CPZ: variants seen among roughly 807,000 people sequenced by gnomAD.
CPZ encodes VEZT/CPZ fusion.
A neutral mutation model predicts 61.8 loss-of-function variants in CPZ; 103 were observed. The observed-to-expected ratio is 1.67, with a 90% CI of 1.42 to 1.96. The LOEUF (loss-of-function observed/expected upper bound fraction) is 1.96, where lower values mean the gene tolerates loss of function less well. Ranked by LOEUF, CPZ falls within the 30% of genes most tolerant of loss-of-function variation. CPZ has a pLI of 0.00. For missense variants in CPZ, 1,461 were observed against 914.9 expected (o/e 1.60, Z -7.70); for synonymous variants, 551 against 373.7 (o/e 1.47, Z -5.47).
chr4:8,615,597 G>A (rs767924728), intron 9 of CPZ, among the ~76,000 whole-genome samples: 17 of 152,314 alleles, frequency 1.1e-4, no homozygotes, highest in Admixed American at 7.8e-4. Flanking sequence ...GGCGGCAGAC[G>A]GGGCCGTCCC....
chr4:8,611,944 G>A (rs931711610), intron 7 of CPZ, 83 bp from the exon 8 acceptor site: 50 of 1,595,746 alleles, frequency 3.1e-5, no homozygotes, highest in Admixed American at 1.0e-4. Flanking sequence ...GTTTGCACGC[G>A]CAGCTCCTCC....
At chr4:8,593,648 C>T (rs991873765) in intron 1 of CPZ, among the ~76,000 whole-genome samples, 3 of 152,196 alleles carry the variant, frequency 2.0e-5, no homozygotes, top group Admixed American at 2.0e-4. Context: ...TGGGCTCCTG[C>T]GGGAGTGGGG....
rs775911030 is a variant in CPZ at position 8,606,123 on chromosome 4, ACCACCCGCAT to A, written c.850_859del (p.Arg284CysfsTer5). On this transcript the variant is annotated frameshift_variant, in exon 5 of 11. Coordinates refer to ENST00000360986, the MANE Select transcript of CPZ (RefSeq NM_001014447.3). LOFTEE classifies it high-confidence loss of function. ...CCCCCGCATCCAGCGCCTGCTCAAC[ACCACCCGCAT>A]CCACCTGCTGCCCTCCATGAACCCT... The A allele has an allele frequency of 4.3e-5, 69 of 1,613,982 alleles. No individual in the cohort carries two copies. The highest frequency in any genetic ancestry group is 5.5e-5 in the Non-Finnish European group (65 of 1,180,018).
chr4:8,607,458 G>GAGAC, intron 7 of CPZ, 33 bp downstream of exon 7: 1 of 1,608,074 alleles, frequency 6.2e-7, no homozygotes, highest in Non-Finnish European at 8.5e-7. Context: ...GCAGGGGAGG[G>GAGAC]AGACAGTGTG....
chr4:8,602,389 G>A (rs116128656), intron 3 of CPZ: 66 of 152,480 alleles, frequency 4.3e-4, no homozygotes, highest in African/African-American at 1.5e-3. Context: ...CTTGGGATGT[G>A]GCTCTTGCCA....
At position 8,612,164 on chromosome 4, in the gene CPZ, T is replaced by G. The variant is rs1715757925; in HGVS notation, c.1363+2T>G. 3.8e-6 allele frequency: 4 copies of G among 1,043,970 alleles called. No homozygotes were observed. The highest frequency in any genetic ancestry group is 2.0e-5 in the African/African-American group (1 of 49,228). The allele number at this position is 1,043,970 out of a possible 1,614,324, so 64.7% of individuals were successfully genotyped here. ...CGGACTGGTACAGCTTCACGGGAGG[T>G]GCGGCTTCCGCAGGGCGGGACTGGG... On this transcript the variant is annotated splice_donor_variant, in intron 8 of 10. Coordinates refer to ENST00000360986, the MANE Select transcript of CPZ (RefSeq NM_001014447.3). LOFTEE classifies it high-confidence loss of function.
At chr4:8,609,548 C>G (rs1715472121) in intron 7 of CPZ, among the ~76,000 whole-genome samples, 1 of 138,412 alleles carries the variant, frequency 7.2e-6, no homozygotes, top group Non-Finnish European at 1.5e-5. Flanking sequence ...CCACTTCTGG[C>G]CTGGCCTTGC....
intron 5 of CPZ, 146 bp from the exon 6 acceptor site, chr4:8,606,591 G>A: frequency 9.7e-7 from 1 of 1,034,882 alleles, no homozygotes; most frequent in East Asian, 2.4e-5. Context: ...GAGGCCAAGG[G>A]TCAGGCATGC....
chr4:8,618,588 G>A, intron 10 of CPZ, 60 bp downstream of exon 10: 1 of 1,513,550 alleles, frequency 6.6e-7, no homozygotes, highest in Admixed American at 1.8e-5. Flanking sequence ...GCCACACCGT[G>A]GCAGCCGGCA....
At chr4:8,609,656 G>A (rs562170662) in intron 7 of CPZ, among the ~76,000 whole-genome samples, 1 of 152,084 alleles carries the variant, frequency 6.6e-6, no homozygotes, top group Admixed American at 6.5e-5. Context: ...GGCAGGGCAG[G>A]CATCCCCTCT....
At chr4:8,607,478 C>G (rs1375821187) in intron 7 of CPZ, 53 bp downstream of exon 7, 5 of 1,582,980 alleles carry the variant, frequency 3.2e-6, no homozygotes, top group African/African-American at 1.3e-5. Context: ...GCGCGGTCCC[C>G]TTGGAGCTGG....
intron 9 of CPZ, among the ~76,000 whole-genome samples, chr4:8,616,864 G>A (rs4302446): frequency 0.041 from 6,198 of 152,312 alleles, 300 homozygotes; most frequent in African/African-American, 0.11. Context: ...GAGCATCCAG[G>A]GTGGGGGTCA....
chr4:8,608,487 C>T (rs1195709410), intron 7 of CPZ, among the ~76,000 whole-genome samples: 1 of 152,188 alleles, frequency 6.6e-6, no homozygotes. Context: ...GGTATCAGCC[C>T]TGCCTCACCT....
At chr4:8,604,296 C>T (rs1714785204) in intron 4 of CPZ, 108 bp downstream of exon 4, 3 of 1,092,628 alleles carry the variant, frequency 2.7e-6, no homozygotes, top group Admixed American at 5.5e-5. Flanking sequence ...CTGGGCAGAG[C>T]TGGGGGCCTC....
chr4:8,607,400 T>C lies in CPZ; in HGVS notation c.1202T>C (p.Met401Thr), dbSNP rs1577117354. Residue 401 changes from methionine (M) to threonine (T), a missense_variant, in exon 7 of 11, where the codon ATG becomes ACG. Coordinates refer to ENST00000360986, the MANE Select transcript of CPZ (RefSeq NM_001014447.3). Reference sequence around the variant, plus strand: ...TCCAAGCACCCCCAGGAGGAGAAGATGTTTTCTCCCACGCCCGACGAGAAG... The same window carrying C: ...TCCAAGCACCCCCAGGAGGAGAAGACGTTTTCTCCCACGCCCGACGAGAAG... ...DFSKHPQEEKMFSPTPDEKMF... is the reference protein window; with the variant it reads ...DFSKHPQEEKTFSPTPDEKMF... The C allele has an allele frequency of 6.2e-7, 1 of 1,613,894 alleles. No individual in the cohort carries two copies.
intron 4 of CPZ, among the ~76,000 whole-genome samples, chr4:8,605,780 C>T (rs937786297): frequency 1.3e-5 from 2 of 152,104 alleles, no homozygotes; most frequent in African/African-American, 4.8e-5. Flanking sequence ...TTGAGTTATG[C>T]TAACTAAGAA....
intron 2 of CPZ, among the ~76,000 whole-genome samples, chr4:8,600,374 C>T (rs1008294856): frequency 8.5e-5 from 13 of 152,194 alleles, no homozygotes; most frequent in African/African-American, 1.7e-4. Flanking sequence ...TTGTCCTATG[C>T]GATGCCACAT....
At chr4:8,611,388 G>T (rs1715664666) in intron 7 of CPZ, 1 of 428,996 alleles carries the variant, frequency 2.3e-6, no homozygotes, top group Non-Finnish European at 4.8e-6. Context: ...CTGTGGGGAG[G>T]GACCCAGGAT....
At chr4:8,598,543 C>T (rs1231243028) in intron 1 of CPZ, among the ~76,000 whole-genome samples, 2 of 152,224 alleles carry the variant, frequency 1.3e-5, no homozygotes, top group Non-Finnish European at 2.9e-5. Context: ...CACGTCCTGC[C>T]TGTGGGTCAC....
Sources: gnomAD v4.1 joint callset for allele counts (sites outside exome capture counted in the v4.1 genomes callset) on GRCh38, gnomAD v4.1.1 for gene constraint, MANE v1.5 for transcripts, NCBI Gene and HGNC (gene_info 2026-07-23, HGNC 2026-07-21) for gene names.